B3GALT1: variants seen among roughly 807,000 people sequenced by gnomAD.
B3GALT1 encodes the protein beta-1,3-galactosyltransferase 1, also known as UDP-Gal:betaGlcNAc beta 1,3-galactosyltransferase, polypeptide 1.
In B3GALT1, 10 loss-of-function variants were observed where a neutral mutation model predicts 23.2. That is an observed-to-expected ratio of 0.43 (90% CI 0.27 to 0.73). The LOEUF is 0.73. Among genes scored for constraint, B3GALT1 ranks in the 30% least tolerant of loss-of-function variants. B3GALT1 has a pLI of 0.21. For missense variants in B3GALT1, 299 were observed against 405.4 expected (o/e 0.74, Z 2.25); for synonymous variants, 156 against 141.5 (o/e 1.10, Z -0.73).
At chr2:167,438,182 G>A (rs1358353450) in intron 1 of B3GALT1, among the ~76,000 whole-genome samples, 1 of 152,198 alleles carries the variant, frequency 6.6e-6, no homozygotes, top group Admixed American at 6.5e-5. Flanking sequence ...AAAGTTGTTG[G>A]AATGCTGTGG....
chr2:167,832,232 A>T (rs1453232550), intron 4 of B3GALT1, among the ~76,000 whole-genome samples: 3 of 152,210 alleles, frequency 2.0e-5, no homozygotes, highest in Non-Finnish European at 2.9e-5. Flanking sequence ...ATGGAATTAG[A>T]CGTCTCTAAA....
At chr2:167,606,544 T>C (rs541825407) in intron 2 of B3GALT1, among the ~76,000 whole-genome samples, 2 of 152,340 alleles carry the variant, frequency 1.3e-5, no homozygotes, top group Admixed American at 6.5e-5. Flanking sequence ...ATGGGTTTCT[T>C]TTCTGCTTCC....
chr2:167,467,715 AAATC>A (rs1316139106), intron 1 of B3GALT1, among the ~76,000 whole-genome samples: 10 of 152,230 alleles, frequency 6.6e-5, no homozygotes, highest in South Asian at 2.1e-4. Flanking sequence ...TCCTAGGAAA[AAATC>A]AATCAATCAA....
chr2:167,382,544 A>C, intron 1 of B3GALT1, among the ~76,000 whole-genome samples: 1 of 152,038 alleles, frequency 6.6e-6, no homozygotes, highest in East Asian at 1.9e-4. Context: ...AGGATCTTTC[A>C]AGAGCTAATT....
intron 4 of B3GALT1, among the ~76,000 whole-genome samples, chr2:167,849,268 G>A (rs1417015878): frequency 1.3e-5 from 2 of 152,162 alleles, no homozygotes; most frequent in Non-Finnish European, 2.9e-5. Context: ...AGCCTGCATA[G>A]TCAAAGCAAG....
intron 3 of B3GALT1, among the ~76,000 whole-genome samples, chr2:167,662,249 T>C (rs1265715398): frequency 6.6e-6 from 1 of 152,004 alleles, no homozygotes; most frequent in African/African-American, 2.4e-5. Context: ...CCACAAGTAC[T>C]TTTTTTGTAT....
chr2:167,784,709 C>T (rs1173718986), intron 3 of B3GALT1, among the ~76,000 whole-genome samples: 3 of 152,042 alleles, frequency 2.0e-5, no homozygotes, highest in South Asian at 2.1e-4. Flanking sequence ...ATCTGGACTA[C>T]GTAAATACTT....
chr2:167,426,141 A>T (rs1045489670), intron 1 of B3GALT1, among the ~76,000 whole-genome samples: 13 of 152,182 alleles, frequency 8.5e-5, no homozygotes, highest in Non-Finnish European at 1.9e-4. Flanking sequence ...ATCTCCAGTT[A>T]TTACCAGGAT....
intron 3 of B3GALT1, among the ~76,000 whole-genome samples, chr2:167,707,544 C>T (rs1686984522): frequency 6.6e-6 from 1 of 151,802 alleles, no homozygotes; most frequent in African/African-American, 2.4e-5. Flanking sequence ...GCCCAAATTC[C>T]TTGGCCCGTG....
At chr2:167,713,753 T>C in intron 3 of B3GALT1, 7 of 1,584,602 alleles carry the variant, frequency 4.4e-6, no homozygotes, top group Non-Finnish European at 6.1e-6. Flanking sequence ...GAATGTGGGG[T>C]TGGGGTAAAA....
At chr2:167,633,110 T>C (rs1012874252) in intron 2 of B3GALT1, among the ~76,000 whole-genome samples, 1 of 151,960 alleles carries the variant, frequency 6.6e-6, no homozygotes, top group Admixed American at 6.6e-5. Flanking sequence ...TGGAAAACAG[T>C]GTTCAGGATA....
intron 1 of B3GALT1, among the ~76,000 whole-genome samples, chr2:167,443,610 G>C (rs1698931972): frequency 6.6e-6 from 1 of 152,068 alleles, no homozygotes. Context: ...TGGATTCCTA[G>C]GTATTTTATT....
At chr2:167,751,346 C>G (rs1022856052) in intron 3 of B3GALT1, among the ~76,000 whole-genome samples, 1 of 152,288 alleles carries the variant, frequency 6.6e-6, no homozygotes, top group African/African-American at 2.4e-5. Context: ...GCAACAAGTA[C>G]TTGAGTAAAA....
At chr2:167,611,787 C>T (rs988610359) in intron 2 of B3GALT1, among the ~76,000 whole-genome samples, 12 of 151,836 alleles carry the variant, frequency 7.9e-5, no homozygotes, top group African/African-American at 2.9e-4. Flanking sequence ...ATACGATGCA[C>T]CTGGACCACA....
intron 2 of B3GALT1, among the ~76,000 whole-genome samples, chr2:167,576,520 G>GTTTTTTTTTTGTTTTTTTTTTTT (rs1558912483): frequency 3.3e-5 from 4 of 122,424 alleles, no homozygotes; most frequent in East Asian, 2.2e-4. Context: ...TTGTTTTTCT[G>GTTTTTTTTTTGTTTTTTTTTTTT]TTTTTTTTTT....
chr2:167,841,359 AT>A (rs1308959632), intron 4 of B3GALT1, among the ~76,000 whole-genome samples: 1 of 152,158 alleles, frequency 6.6e-6, no homozygotes, highest in Non-Finnish European at 1.5e-5. Flanking sequence ...GGTTCCTCAG[AT>A]CTGACATTTA....
rs768458407 is a variant in B3GALT1, at chr2:167,869,252, T to C, written c.213T>C (p.Asn71=). 4 of 1,614,176 alleles carry C rather than the reference T, an allele frequency of 2.5e-6. No individual in the cohort carries two copies. The highest frequency in any genetic ancestry group is 2.2e-5 in the East Asian group (1 of 44,886). ...TTGAATTTCTTATCAACGAGCCCAA[T>C]AAATGTGAGAAAAACATTCCTTTTC... ...HSFEFLINEP[N]KCEKNIPFLV... Residue 71 remains asparagine (N), a synonymous_variant, in exon 5 of 5, where the codon AAT becomes AAC. Transcript: ENST00000392690. The surrounding 1 kb of genome is among the most constrained non-coding windows in gnomAD (Gnocchi z 6.4).
At position 167,715,419 on chromosome 2, in the gene B3GALT1, A is replaced by T; in HGVS notation, c.-352+68453A>T. ...TGTTTCTGGCTTTCCTGAAGTTGAG[A>T]ATTTTCACTCAAAGCATCTTTTATT... is the stretch of plus-strand genomic sequence containing the variant. On this transcript the variant is annotated intron_variant, in intron 3 of 4. Coordinates refer to ENST00000392690, the MANE Select transcript of B3GALT1 (RefSeq NM_020981.4). 1.9e-6 allele frequency: 3 copies of T among 1,610,804 alleles called. No homozygotes were observed. The South Asian group carries it at 3.3e-5, about 18-fold the overall frequency.
chr2:167,827,619 G>A (rs1689256761), intron 4 of B3GALT1, among the ~76,000 whole-genome samples: 1 of 152,152 alleles, frequency 6.6e-6, no homozygotes, highest in Non-Finnish European at 1.5e-5. Context: ...CCTGCTCAGT[G>A]CGTGGCTGCT....
Sources: allele counts gnomAD v4.1 joint callset (sites outside exome capture counted in the v4.1 genomes callset), GRCh38; gene constraint gnomAD v4.1.1; non-coding constraint Gnocchi (gnomAD v3.1); transcripts MANE v1.5; gene names NCBI Gene and HGNC (gene_info 2026-07-23, HGNC 2026-07-21).